SP110: variants seen among roughly 807,000 people sequenced by gnomAD.
SP110 encodes SP110 nuclear body protein, also known as interferon-induced protein 41, 30kD.
Under a neutral mutation model 92.7 loss-of-function variants are expected in SP110, and 62 were observed. That is an observed-to-expected ratio of 0.67 (90% CI 0.55 to 0.83). SP110 has a LOEUF of 0.83. Ranked by LOEUF, SP110 falls within the 40% of genes least tolerant of loss-of-function variation. SP110 has a pLI of 0.00. For synonymous variants in SP110, 273 were observed against 305.3 expected (o/e 0.89, Z 1.10); for missense variants, 793 against 863.9 (o/e 0.92, Z 1.03).
At chr2:230,180,668 C>A (rs1328963300) in intron 12 of SP110, among the ~76,000 whole-genome samples, 2 of 152,078 alleles carry the variant, frequency 1.3e-5, no homozygotes, top group Non-Finnish European at 2.9e-5. Context: ...CAGTATCTAG[C>A]GCTCTTTCCA....
chr2:230,176,817 C>A, intron 14 of SP110: 1 of 1,265,210 alleles, frequency 7.9e-7, no homozygotes, highest in East Asian at 2.3e-5. Context: ...ATGTCTGTAC[C>A]CAGACATCAC....
chr2:230,212,828 C>T lies in SP110; in HGVS notation c.516G>A (p.Glu172=). The T allele has an allele frequency of 6.2e-7, 1 of 1,614,102 alleles. No homozygotes were observed. Among genetic ancestry groups the T allele is most frequent in the Non-Finnish European group, 8.5e-7 (1 of 1,180,022 alleles). The change falls in exon 4 of 19, where the codon GAG becomes GAA. Residue 172 remains glutamate, a synonymous_variant. Transcript: ENST00000258381. The part of the protein sequence containing the change: ...SSQQSDEILS[E]SPSPSDPVLP... ...GGACAGGGTCAGATGGGCTGGGCGA[C>T]TCACTCAGGATCTCATCGCTTTGCT...
upstream of SP110, among the ~76,000 whole-genome samples, chr2:230,223,618 A>G (rs2045994783): frequency 1.3e-5 from 2 of 152,362 alleles, no homozygotes; most frequent in African/African-American, 4.8e-5. Flanking sequence ...TCAAGGAAAT[A>G]TGATCAATCT....
chr2:230,193,182 T>C (rs548358636), intron 10 of SP110, among the ~76,000 whole-genome samples: 1 of 152,346 alleles, frequency 6.6e-6, no homozygotes, highest in Admixed American at 6.5e-5. Context: ...TCCTGTTTAC[T>C]TTTGGTTTCC....
Position 230,202,608 on chromosome 2 carries a change from G to C in SP110, c.1019C>G (p.Thr340Ser), listed in dbSNP as rs752428563. The change falls in exon 9 of 19, where the codon ACT becomes AGT. Residue 340 changes from threonine to serine, a missense_variant. Coordinates refer to ENST00000258381, the MANE Select transcript of SP110 (RefSeq NM_080424.4). ...TGATCTCGACTTTCGGGCACATTCA[G>C]TTCTCGCCTTTTGGGCCCTTGTCTC... ...TVETRAQKARTECARKSRSEE... is the reference protein window; with the variant it reads ...TVETRAQKARSECARKSRSEE... 3 of 1,614,168 alleles carry C rather than the reference G, an allele frequency of 1.9e-6. No homozygotes were observed. In the South Asian group the frequency reaches 3.3e-5, roughly 18 times the overall value.
At chr2:230,221,656 G>A (rs1360307785), upstream of SP110, 15 of 1,512,514 alleles carry the variant, frequency 9.9e-6, no homozygotes, top group Non-Finnish European at 1.3e-5. Flanking sequence ...GGGGATGGCG[G>A]TGGTAAAGGA....
intron 10 of SP110, among the ~76,000 whole-genome samples, chr2:230,194,844 A>C (rs556257702): frequency 4.6e-5 from 7 of 152,272 alleles, no homozygotes; most frequent in Admixed American, 6.5e-5. Flanking sequence ...GATAAGAGAA[A>C]AGAAGACTAG....
chr2:230,193,972 T>C (rs1322842091), intron 10 of SP110, among the ~76,000 whole-genome samples: 2 of 152,158 alleles, frequency 1.3e-5, no homozygotes, highest in Non-Finnish European at 2.9e-5. Context: ...CTATAAGTCA[T>C]TGGTAGTGAA....
intron 12 of SP110, among the ~76,000 whole-genome samples, chr2:230,178,694 C>T (rs935945866): frequency 4.6e-5 from 7 of 152,188 alleles, no homozygotes; most frequent in African/African-American, 1.7e-4. Context: ...GTGGCTGGCA[C>T]TGAGGGGATG....
intron 2 of SP110, among the ~76,000 whole-genome samples, chr2:230,216,315 G>C (rs193082852): frequency 3.8e-4 from 58 of 152,318 alleles, no homozygotes; most frequent in Non-Finnish European, 6.2e-4. Flanking sequence ...CTAAATCCAA[G>C]TGTCCTCAGA....
rs1275239409 is a variant in SP110 at position 230,216,886 on chromosome 2, C to T, written c.42G>A (p.Gln14=). 6.2e-7 allele frequency: 1 copy of T among 1,613,854 alleles called. No individual in the cohort carries two copies. The highest frequency in any genetic ancestry group is 1.3e-5 in the African/African-American group (1 of 74,898). Residue 14 remains glutamine (Q), a synonymous_variant, in exon 2 of 19, where the codon CAG becomes CAA. Coordinates refer to ENST00000258381, the MANE Select transcript of SP110 (RefSeq NM_080424.4). Reference sequence around the variant, plus strand: ...TCCCCAGCTTCTGGTGCATGAAGTGCTGAAAAAGAGCCTCTTCCATGGCTC... The same window carrying T: ...TCCCCAGCTTCTGGTGCATGAAGTGTTGAAAAAGAGCCTCTTCCATGGCTC... The part of the protein sequence containing the change: ...MTRAMEEALF[Q]HFMHQKLGIA...
chr2:230,223,717 TA>T (rs1454571375), upstream of SP110, among the ~76,000 whole-genome samples: 2 of 152,128 alleles, frequency 1.3e-5, no homozygotes, highest in African/African-American at 4.8e-5. Flanking sequence ...TGTGGGCAAA[TA>T]GGGGTAAGTT....
At chr2:230,217,169 C>A (rs41309080) in intron 1 of SP110, among the ~76,000 whole-genome samples, 14 of 140,036 alleles carry the variant, frequency 1.0e-4, no homozygotes, top group African/African-American at 3.8e-4. Flanking sequence ...TTGCTTGAAC[C>A]GGGGAGGTGG....
chr2:230,206,571 AT>A (rs2043828441), intron 8 of SP110, among the ~76,000 whole-genome samples: 1 of 128,132 alleles, frequency 7.8e-6, no homozygotes, highest in African/African-American at 2.9e-5. Context: ...TGGTCCAGAT[AT>A]TATATATTAT....
chr2:230,172,373 C>T (rs2078468557), intron 15 of SP110, 199 bp from the exon 16 acceptor site: 1 of 630,486 alleles, frequency 1.6e-6, no homozygotes. Flanking sequence ...GGCGGGCAGC[C>T]TGAGGAAGGT....
intron 2 of SP110, 37 bp from the exon 3 acceptor site, chr2:230,215,155 T>G (rs1206090082): frequency 1.3e-6 from 2 of 1,497,324 alleles, no homozygotes; most frequent in Non-Finnish European, 1.9e-6. Flanking sequence ...TAAATGACTA[T>G]AAAATTGAAT....
rs1238651184 is a variant in SP110 at position 230,209,014 on chromosome 2, G to A, written c.829+917C>T. On this transcript the variant is annotated intron_variant, in intron 7 of 18. Transcript: ENST00000258381. ...ACTGGTGATCCAAATGAGGTTGAAG[G>A]ACAACTTCAGAGGAAACAACAAATA... Among the ~76,000 whole-genome samples, 7 of 152,226 alleles carry A rather than the reference G, an allele frequency of 4.6e-5. No homozygotes were observed. In the East Asian group the frequency reaches 1.3e-3, roughly 29 times the overall value.
chr2:230,182,929 T>C (rs10755048), intron 12 of SP110, among the ~76,000 whole-genome samples: 120,482 of 152,138 alleles, frequency 0.79, 47,805 homozygotes, highest in Admixed American at 0.84. Flanking sequence ...TCCTTATTCT[T>C]GTAGACCTGC....
At chr2:230,200,600 G>T (rs2043085968) in intron 10 of SP110, 1 of 477,990 alleles carries the variant, frequency 2.1e-6, no homozygotes, top group African/African-American at 2.0e-5. Flanking sequence ...CAGTAATGGT[G>T]ATATTGCTGC....
Sources: gnomAD v4.1 joint callset for allele counts (sites outside exome capture counted in the v4.1 genomes callset) on GRCh38, gnomAD v4.1.1 for gene constraint, MANE v1.5 for transcripts, NCBI Gene and HGNC (gene_info 2026-07-23, HGNC 2026-07-21) for gene names.